PGPEP1: variants seen among roughly 807,000 people sequenced by gnomAD.
PGPEP1 encodes the protein pyroglutamyl-peptidase I, also known as pyroglutamyl-peptidase 1.
A neutral mutation model predicts 24.1 loss-of-function variants in PGPEP1; 15 were observed. The observed-to-expected ratio is 0.62, with a 90% CI of 0.42 to 0.96. PGPEP1 has a LOEUF of 0.96. Ranked by LOEUF, PGPEP1 falls within the 40% of genes least tolerant of loss-of-function variation. The pLI is 0.00. For missense variants in PGPEP1, 242 were observed against 273.4 expected (o/e 0.89, Z 0.81); for synonymous variants, 122 against 116.4 (o/e 1.05, Z -0.31).
chr19:18,358,025 A>G, intron 4 of PGPEP1: 1 of 229,374 alleles, frequency 4.4e-6, no homozygotes, highest in African/African-American at 2.3e-5. Context: ...TCAGAAGTCC[A>G]AGGTCAAGGT....
chr19:18,363,212 C>T (rs1270309439), intron 4 of PGPEP1, among the ~76,000 whole-genome samples, 179 bp from the exon 5 acceptor site: 1 of 151,988 alleles, frequency 6.6e-6, no homozygotes, highest in African/African-American at 2.4e-5. Flanking sequence ...CGTGCCACCA[C>T]CTCTGGTGAT....
At chr19:18,362,173 G>A (rs948272610) in intron 4 of PGPEP1, among the ~76,000 whole-genome samples, 6 of 152,228 alleles carry the variant, frequency 3.9e-5, no homozygotes, top group South Asian at 4.1e-4. Flanking sequence ...TTGGGAGGCC[G>A]AGGCAGGCGA....
chr19:18,354,961 C>CTCTTTT (rs1555711693), intron 2 of PGPEP1, among the ~76,000 whole-genome samples: 3 of 94,716 alleles, frequency 3.2e-5, no homozygotes, highest in African/African-American at 1.4e-4. Context: ...TAAGTCGATA[C>CTCTTTT]TTTTTTTTTT....
rs553105978 is a variant in PGPEP1 at position 18,363,812 on chromosome 19, G to T, written c.*229G>T. Reference sequence around the variant, plus strand: ...TCCCATTTTCCTCCCTGCATCTGGGGACACAGCTGCCGTGACCAGGGAGGC... The same window carrying T: ...TCCCATTTTCCTCCCTGCATCTGGGTACACAGCTGCCGTGACCAGGGAGGC... On this transcript the variant is annotated 3_prime_UTR_variant, in exon 5 of 5. Coordinates refer to ENST00000269919, the MANE Select transcript of PGPEP1 (RefSeq NM_017712.4). 3 of 431,098 alleles carry T rather than the reference G, an allele frequency of 7.0e-6. No individual in the cohort carries two copies. In the East Asian group the frequency reaches 1.1e-4, roughly 16 times the overall value. The allele number at this position is 431,098 out of a possible 1,614,324, so 26.7% of individuals were successfully genotyped here.
chr19:18,342,574 C>T (rs1970700870), intron 1 of PGPEP1, among the ~76,000 whole-genome samples: 1 of 152,182 alleles, frequency 6.6e-6, no homozygotes, highest in African/African-American at 2.4e-5. Context: ...GGATCAGGAC[C>T]TTTTCGGAGG....
chr19:18,350,687 A>AT (rs1269374905), intron 2 of PGPEP1, among the ~76,000 whole-genome samples: 3 of 152,226 alleles, frequency 2.0e-5, no homozygotes, highest in Non-Finnish European at 4.4e-5. Flanking sequence ...AGCAGAGAAA[A>AT]GGATGCGCTG....
chr19:18,353,220 ATT>A (rs371750193), intron 2 of PGPEP1, among the ~76,000 whole-genome samples: 18 of 141,612 alleles, frequency 1.3e-4, no homozygotes, highest in Non-Finnish European at 1.4e-4. Flanking sequence ...GGCCTGGTTC[ATT>A]TTTTTTTTTT....
intron 2 of PGPEP1, among the ~76,000 whole-genome samples, chr19:18,347,509 T>A (rs533594641): frequency 1.3e-5 from 2 of 151,920 alleles, no homozygotes; most frequent in South Asian, 4.2e-4. Context: ...TCTCCGTGTG[T>A]CTCAGTTTCT....
chr19:18,355,781 T>C, intron 2 of PGPEP1, 114 bp from the exon 3 acceptor site: 1 of 696,928 alleles, frequency 1.4e-6, no homozygotes, highest in Non-Finnish European at 2.7e-6. Context: ...CACACACCCT[T>C]GCCATCCTGC....
Position 18,363,394 on chromosome 19 carries a change from T to A in PGPEP1, c.441T>A (p.Tyr147Ter). ...CCCGCCACGCCCTGCGGCTTAGATA[T>A]CTCTGCGACTTTACCTACTACACCT... ...SVTISQDAGR[Y>*]LCDFTYYTSL... Residue 147 changes from tyrosine (Y) to a stop codon, truncating the protein, a stop_gained, in exon 5 of 5, where the codon TAT becomes TAA. Coordinates refer to ENST00000269919, the MANE Select transcript of PGPEP1 (RefSeq NM_017712.4). LOFTEE classifies it high-confidence loss of function. 6.2e-7 allele frequency: 1 copy of A among 1,604,762 alleles called. No homozygotes were observed.
At position 18,363,029 on chromosome 19, in the gene PGPEP1, T is replaced by TTTTTTGTGTGTGTG. The variant is rs755622717; in HGVS notation, c.438-361_438-360insTTTTGTGTGTGTGT. Among the ~76,000 whole-genome samples, 3 of 59,472 alleles carry TTTTTTGTGTGTGTG rather than the reference T, an allele frequency of 5.0e-5. No individual in the cohort carries two copies. The East Asian group carries it at 1.3e-3, about 27-fold the overall frequency. 39.0% of individuals were successfully genotyped at this position (59,472 alleles called of 152,430 possible). Reference sequence around the variant, plus strand: ...AGCACTGGGAGTTATCAAGTTTTTTTTGTTTGTGTGTGTGTGTGTGTGTGT... The same window carrying TTTTTTGTGTGTGTG: ...AGCACTGGGAGTTATCAAGTTTTTTTTTTTTGTGTGTGTGTGTTTGTGTGTGTGTGTGTGTGTGT... On this transcript the variant is annotated intron_variant, in intron 4 of 4. Transcript: ENST00000269919.
chr19:18,348,370 C>T (rs760656307), intron 2 of PGPEP1, among the ~76,000 whole-genome samples: 3 of 152,232 alleles, frequency 2.0e-5, no homozygotes, highest in Admixed American at 1.3e-4. Context: ...GGGTCTTTGT[C>T]GTGGGGTCAG....
chr19:18,362,711 G>C (rs369668832), intron 4 of PGPEP1, among the ~76,000 whole-genome samples: 6 of 140,052 alleles, frequency 4.3e-5, no homozygotes, highest in Admixed American at 3.1e-4. Context: ...CTGAGCAACA[G>C]AGCAGACTCT....
In PGPEP1 at chr19:18,363,432, G is replaced by A; in HGVS notation, c.479G>A (p.Ser160Asn). The change falls in exon 5 of 5, where the codon AGT (serine) becomes AAT (asparagine). Residue 160 changes from serine to asparagine, a missense_variant. Coordinates refer to ENST00000269919, the MANE Select transcript of PGPEP1 (RefSeq NM_017712.4). ...DFTYYTSLYQ[S>N]HGRSAFVHVP... Reference sequence around the variant, plus strand: ...ACCTACTACACCTCTTTGTACCAGAGTCACGGTCGATCAGCCTTCGTCCAC... The same window carrying A: ...ACCTACTACACCTCTTTGTACCAGAATCACGGTCGATCAGCCTTCGTCCAC... The A allele has an allele frequency of 1.2e-6, 2 of 1,613,836 alleles. No individual in the cohort carries two copies. The highest frequency in any genetic ancestry group is 1.7e-6 in the Non-Finnish European group (2 of 1,179,746).
At chr19:18,360,059 AAGT>A (rs767096705) in intron 4 of PGPEP1, among the ~76,000 whole-genome samples, 33 of 152,012 alleles carry the variant, frequency 2.2e-4, no homozygotes, top group Non-Finnish European at 3.8e-4. Flanking sequence ...GGCTGGAGTC[AAGT>A]AGTATAATCA....
rs1461026047 is a variant in PGPEP1, at chr19:18,357,365, G to T, written c.205-18G>T. 1 of 1,604,308 alleles carries T rather than the reference G, an allele frequency of 6.2e-7. No individual in the cohort carries two copies. On this transcript the variant is annotated intron_variant, in intron 3 of 4. Coordinates refer to ENST00000269919, the MANE Select transcript of PGPEP1 (RefSeq NM_017712.4). Reference sequence around the variant, plus strand: ...CCACGGGCAGGCCATGTTAAGTCCTGCCCCTGTCTGTGTGCAGCTGGTGGT... The same window carrying T: ...CCACGGGCAGGCCATGTTAAGTCCTTCCCCTGTCTGTGTGCAGCTGGTGGT...
chr19:18,346,633 C>CTTTTTTTTTTTTT (rs775309565), intron 2 of PGPEP1, among the ~76,000 whole-genome samples: 1 of 79,476 alleles, frequency 1.3e-5, no homozygotes, highest in African/African-American at 5.1e-5. Flanking sequence ...CTGTTTCTCT[C>CTTTTTTTTTTTTT]TTTTTTTTTT....
chr19:18,354,471 GGTGACAGA>G (rs1484866113), intron 2 of PGPEP1, among the ~76,000 whole-genome samples: 2 of 151,948 alleles, frequency 1.3e-5, no homozygotes, highest in Non-Finnish European at 2.9e-5. Flanking sequence ...TTCCAGCCTG[GGTGACAGA>G]GTGAGACTCT....
At chr19:18,348,160 C>T (rs908576747) in intron 2 of PGPEP1, among the ~76,000 whole-genome samples, 2 of 152,088 alleles carry the variant, frequency 1.3e-5, no homozygotes, top group African/African-American at 2.4e-5. Context: ...TGGACTGGGG[C>T]ACTGGCTGTG....
Sources: gnomAD v4.1 joint callset for allele counts (sites outside exome capture counted in the v4.1 genomes callset) on GRCh38, gnomAD v4.1.1 for gene constraint, MANE v1.5 for transcripts, NCBI Gene and HGNC (gene_info 2026-07-23, HGNC 2026-07-21) for gene names.